Variants in BMPER observed in about 807,000 individuals in gnomAD.
BMPER encodes the protein BMP-binding endothelial regulator protein.
BMPER carries 45 observed loss-of-function variants against 87.3 expected under a neutral mutation model. That is an observed-to-expected ratio of 0.52 (90% CI 0.41 to 0.66). The LOEUF (loss-of-function observed/expected upper bound fraction) is 0.66. BMPER is among the 30% of genes least tolerant of loss of function. The probability of loss-of-function intolerance (pLI) is 0.00; values close to 1 mark genes in which losing one functional copy is unlikely to be tolerated. For missense variants in BMPER, 784 were observed against 867.5 expected, an observed-to-expected ratio of 0.90 and a Z score of 1.21; for synonymous variants, 326 against 316.2, an observed-to-expected ratio of 1.03 and a Z score of -0.33.
intron 3 of BMPER, among the ~76,000 whole-genome samples, chr7:33,956,977 A>G (rs746967003): frequency 6.6e-5 from 10 of 152,160 alleles, no homozygotes; most frequent in Non-Finnish European, 1.5e-4. Context: ...TCTCTCATAC[A>G]TTGCTGGTGA....
chr7:34,106,142 G>C (rs1789812935), intron 13 of BMPER, among the ~76,000 whole-genome samples: 1 of 152,170 alleles, frequency 6.6e-6, no homozygotes, highest in Non-Finnish European at 1.5e-5. Context: ...CAAACAGCTA[G>C]CCTAGAAAGG....
intron 13 of BMPER, among the ~76,000 whole-genome samples, chr7:34,132,382 G>C (rs34107665): frequency 0.15 from 22,916 of 149,504 alleles, 2,239 homozygotes; most frequent in Non-Finnish European, 0.2. Context: ...GTTCTGCCCT[G>C]CTCTCCCCAC....
At chr7:33,996,745 A>G (rs1786422483) in intron 6 of BMPER, among the ~76,000 whole-genome samples, 1 of 152,216 alleles carries the variant, frequency 6.6e-6, no homozygotes, top group Non-Finnish European at 1.5e-5. Flanking sequence ...CCATTAAAAT[A>G]AGTTTAAAAA....
chr7:34,151,727 G>A (rs867268620), intron 14 of BMPER, among the ~76,000 whole-genome samples: 1 of 152,194 alleles, frequency 6.6e-6, no homozygotes, highest in African/African-American at 2.4e-5. Context: ...TTAGTTAACA[G>A]TTGAGGCAGG....
At chr7:33,980,380 T>G (rs1785819730) in intron 6 of BMPER, among the ~76,000 whole-genome samples, 1 of 152,226 alleles carries the variant, frequency 6.6e-6, no homozygotes, top group Non-Finnish European at 1.5e-5. Context: ...TTCCTACCAC[T>G]GAAGCAAAGA....
At chr7:34,047,838 T>A (rs368928210) in intron 7 of BMPER, among the ~76,000 whole-genome samples, 2 of 61,662 alleles carry the variant, frequency 3.2e-5, no homozygotes, top group South Asian at 1.2e-3. Context: ...TTTCTTGCTT[T>A]CTTTCTCTTT....
intron 7 of BMPER, among the ~76,000 whole-genome samples, chr7:34,049,320 C>T (rs73329157): frequency 0.15 from 22,731 of 152,108 alleles, 2,803 homozygotes; most frequent in African/African-American, 0.34. Flanking sequence ...GCTTTATATT[C>T]ACAATTTTAG....
intron 6 of BMPER, among the ~76,000 whole-genome samples, chr7:33,982,811 G>A (rs1785899790): frequency 6.6e-6 from 1 of 152,142 alleles, no homozygotes; most frequent in African/African-American, 2.4e-5. Flanking sequence ...ATAAGGCAAA[G>A]CTGAATTAAT....
intron 3 of BMPER, among the ~76,000 whole-genome samples, chr7:33,940,965 A>ATAATATAATTTATATATATTATATATTT (rs1784742164): frequency 7.4e-6 from 1 of 135,460 alleles, no homozygotes; most frequent in Non-Finnish European, 1.5e-5. Flanking sequence ...ATATTTATAT[A>ATAATATAATTTATATATATTATATATTT]TAATATAATT....
At chr7:33,986,537 A>G (rs1047076838) in intron 6 of BMPER, among the ~76,000 whole-genome samples, 4 of 152,092 alleles carry the variant, frequency 2.6e-5, no homozygotes, top group African/African-American at 9.7e-5. Flanking sequence ...CAGTAGGAAA[A>G]TATTCATGGT....
At chr7:34,136,029 C>T (rs532665487) in intron 13 of BMPER, among the ~76,000 whole-genome samples, 15 of 152,344 alleles carry the variant, frequency 9.8e-5, no homozygotes, top group African/African-American at 3.6e-4. Flanking sequence ...CCTGGACTTG[C>T]TGTTCTGTCC....
chr7:34,104,655 C>T (rs145767514), intron 13 of BMPER, among the ~76,000 whole-genome samples: 75 of 152,248 alleles, frequency 4.9e-4, no homozygotes, highest in African/African-American at 1.6e-3. Context: ...TCCAACAAAA[C>T]AGTCTGACTC....
intron 3 of BMPER, among the ~76,000 whole-genome samples, chr7:33,960,832 G>T (rs1785251673): frequency 6.6e-6 from 1 of 152,168 alleles, no homozygotes; most frequent in South Asian, 2.1e-4. Flanking sequence ...GTATGTTGGT[G>T]CCTAGTATTT....
At chr7:33,993,007 C>T (rs1166499370) in intron 6 of BMPER, among the ~76,000 whole-genome samples, 2 of 143,024 alleles carry the variant, frequency 1.4e-5, no homozygotes, top group African/African-American at 5.2e-5. Flanking sequence ...TGATGGGCTT[C>T]CCTTTGAGGG....
chr7:34,059,106 A>G (rs1044049204), intron 10 of BMPER, among the ~76,000 whole-genome samples: 7 of 152,200 alleles, frequency 4.6e-5, no homozygotes, highest in Non-Finnish European at 1.0e-4. Context: ...AGAAAAAAAA[A>G]GAAGATACAA....
chr7:34,061,747 C>T (rs1395036418), intron 10 of BMPER, among the ~76,000 whole-genome samples: 1 of 152,088 alleles, frequency 6.6e-6, no homozygotes, highest in African/African-American at 2.4e-5. Context: ...CACTAGTGAG[C>T]CCTTTAGGTA....
At position 33,945,177 on chromosome 7, in the gene BMPER, G is replaced by A. The variant is rs535900557; in HGVS notation, c.319+7789G>A. On this transcript the variant is annotated intron_variant, in intron 3 of 14. Transcript: ENST00000649409. Reference sequence around the variant, plus strand: ...AGGATCGTCTCGATCTCCTGACCTCGTGATCCGCCCGCCTTGGCCTCCCAA... The same window carrying A: ...AGGATCGTCTCGATCTCCTGACCTCATGATCCGCCCGCCTTGGCCTCCCAA... Among the ~76,000 whole-genome samples the A allele has an allele frequency of 1.7e-4, 26 of 151,414 alleles. No homozygotes were observed. The South Asian group carries it at 2.7e-3, about 16-fold the overall frequency.
At chr7:33,996,349 C>T (rs901276195) in intron 6 of BMPER, among the ~76,000 whole-genome samples, 7 of 152,056 alleles carry the variant, frequency 4.6e-5, no homozygotes, top group African/African-American at 1.2e-4. Flanking sequence ...TTTTAGCTGT[C>T]GTATTTTTTT....
At chr7:33,920,616 G>A (rs556177657) in intron 2 of BMPER, among the ~76,000 whole-genome samples, 64 of 151,816 alleles carry the variant, frequency 4.2e-4, no homozygotes, top group African/African-American at 1.5e-3. Context: ...AGTAGAGATG[G>A]GGTTCCACCA....
Sources: gnomAD v4.1 joint callset for allele counts (sites outside exome capture counted in the v4.1 genomes callset) on GRCh38, gnomAD v4.1.1 for gene constraint, MANE v1.5 for transcripts, NCBI Gene and HGNC (gene_info 2026-07-23, HGNC 2026-07-21) for gene names.